The following QKI variants were observed in gnomAD, a reference collection of about 807,000 sequenced individuals.
QKI encodes QKI, KH domain containing RNA binding.
Under a neutral mutation model 39.0 loss-of-function variants are expected in QKI, and 10 were observed. That is an observed-to-expected ratio of 0.26 (90% confidence interval 0.16 to 0.43). The LOEUF (loss-of-function observed/expected upper bound fraction) is 0.43, where lower values mean the gene tolerates loss of function less well. QKI is among the 20% of genes least tolerant of loss of function. The probability of loss-of-function intolerance (pLI) is 1.00; values close to 1 mark genes in which losing one functional copy is unlikely to be tolerated. For missense variants in QKI, 218 were observed against 428.0 expected, an observed-to-expected ratio of 0.51 and a Z score of 4.33; for synonymous variants, 204 against 155.4, an observed-to-expected ratio of 1.31 and a Z score of -2.33.
At chr6:163,491,068 A>ATT (rs1266476541) in intron 3 of QKI, among the ~76,000 whole-genome samples, 1 of 152,122 alleles carries the variant, frequency 6.6e-6, no homozygotes, top group African/African-American at 2.4e-5. Flanking sequence ...ATGGTGTTGA[A>ATT]TTCAACTTCA....
At chr6:163,562,105 T>C (rs751414984) in intron 5 of QKI, 36 bp downstream of exon 5, 2 of 1,527,876 alleles carry the variant, frequency 1.3e-6, no homozygotes, top group Middle Eastern at 3.5e-4. Context: ...GTTACTGCTG[T>C]CTGCGTTGTT....
chr6:163,494,147 T>C (rs541548434), intron 3 of QKI, among the ~76,000 whole-genome samples: 1 of 152,134 alleles, frequency 6.6e-6, no homozygotes, highest in Non-Finnish European at 1.5e-5. Context: ...GGAAAAATAA[T>C]AAAAAATAAT....
intron 4 of QKI, among the ~76,000 whole-genome samples, chr6:163,537,676 T>C (rs541751387): frequency 3.9e-5 from 6 of 152,340 alleles, no homozygotes; most frequent in African/African-American, 1.2e-4. Context: ...GTTTAGACTT[T>C]TTAACTTGTT....
chr6:163,519,806 A>T (rs1289381942), intron 3 of QKI, among the ~76,000 whole-genome samples: 1 of 152,114 alleles, frequency 6.6e-6, no homozygotes, highest in African/African-American at 2.4e-5. Context: ...TAGTTATTTT[A>T]TATAGTTGTT....
chr6:163,541,916 G>A (rs985373489), intron 4 of QKI, among the ~76,000 whole-genome samples: 3 of 151,836 alleles, frequency 2.0e-5, no homozygotes, highest in Non-Finnish European at 4.4e-5. Flanking sequence ...GACATGAAAG[G>A]CGCATACATG....
intron 7 of QKI, chr6:163,568,700 G>A: frequency 1.0e-6 from 1 of 985,196 alleles, no homozygotes; most frequent in Non-Finnish European, 1.2e-6. Context: ...AAAAAACTCA[G>A]CCCTTGGACA....
intron 3 of QKI, among the ~76,000 whole-genome samples, chr6:163,482,735 C>T (rs959782220): frequency 3.9e-4 from 59 of 152,206 alleles, no homozygotes; most frequent in Non-Finnish European, 1.5e-4. Context: ...CCCATCCCTT[C>T]TCCAGTGTGC....
At chr6:163,479,927 G>A (rs1416083533) in intron 3 of QKI, among the ~76,000 whole-genome samples, 1 of 152,104 alleles carries the variant, frequency 6.6e-6, no homozygotes, top group Non-Finnish European at 1.5e-5. Context: ...TAGAAGGAAG[G>A]CTATCACTAG....
intron 2 of QKI, 40 bp from the exon 3 acceptor site, chr6:163,478,739 CA>C: frequency 7.6e-7 from 1 of 1,307,712 alleles, no homozygotes; most frequent in Non-Finnish European, 1.1e-6. Flanking sequence ...TAAGTTCCAG[CA>C]AGTGAATAAT....
In QKI at chr6:163,571,127, G is replaced by A. The variant is rs946322623; in HGVS notation, c.*417G>A. On this transcript the variant is annotated 3_prime_UTR_variant, in exon 8 of 8. Coordinates refer to ENST00000361752, the MANE Select transcript of QKI (RefSeq NM_006775.3). The stretch of plus-strand genomic sequence containing the variant: ...CTAGGAATCTTTTTCTTCTCATAGC[G>A]AAGTCAAAGCTCTCTCTGAATGTAC... 2.6e-5 allele frequency: 4 copies of A among 156,038 alleles called. No homozygotes were observed. Among genetic ancestry groups the A allele is most frequent in the Non-Finnish European group, 5.7e-5 (4 of 70,790 alleles). 9.7% of individuals were successfully genotyped at this position (156,038 alleles called of 1,614,324 possible). A position where few individuals can be genotyped will look rare whatever the true frequency, so the allele number is the denominator to read the frequency against.
In QKI at chr6:163,540,202, A is replaced by G. The variant is rs1781428987; in HGVS notation, c.546+5077A>G. Among the ~76,000 whole-genome samples, 6 of 152,164 alleles carry G rather than the reference A, an allele frequency of 3.9e-5. No homozygotes were observed. The South Asian group carries it at 1.0e-3, about 26-fold the overall frequency. Reference sequence around the variant, plus strand: ...TTGTGCCCATTTTGTTAGGTGTTGTATAGCAAAAAACATCTAGTCCAGGCT... The same window carrying G: ...TTGTGCCCATTTTGTTAGGTGTTGTGTAGCAAAAAACATCTAGTCCAGGCT... On this transcript the variant is annotated intron_variant, in intron 4 of 7. Transcript: ENST00000361752.
intron 3 of QKI, among the ~76,000 whole-genome samples, chr6:163,486,896 A>C (rs895356324): frequency 2.0e-5 from 3 of 152,234 alleles, no homozygotes; most frequent in Non-Finnish European, 4.4e-5. Flanking sequence ...GGTGATAGGA[A>C]AGTACACTTA....
chr6:163,415,938 C>A (rs1174329183), intron 1 of QKI: 3 of 511,202 alleles, frequency 5.9e-6, no homozygotes. Flanking sequence ...CCGTAGGAGA[C>A]CGAAATTATG....
At chr6:163,533,562 A>G (rs1336568449) in intron 3 of QKI, among the ~76,000 whole-genome samples, 1 of 152,046 alleles carries the variant, frequency 6.6e-6, no homozygotes, top group East Asian at 1.9e-4. Context: ...TGATTTTTGT[A>G]TGTTCTTGAT....
chr6:163,417,320 G>C (rs1328795862), intron 1 of QKI, among the ~76,000 whole-genome samples: 1 of 151,964 alleles, frequency 6.6e-6, no homozygotes, highest in Non-Finnish European at 1.5e-5. Context: ...AATAGGCCTT[G>C]GCAATATTTA....
At chr6:163,418,696 C>T (rs1016791083) in intron 1 of QKI, among the ~76,000 whole-genome samples, 1 of 152,008 alleles carries the variant, frequency 6.6e-6, no homozygotes, top group Non-Finnish European at 1.5e-5. Context: ...ACTGCTCTAC[C>T]TTTAGAGAGA....
chr6:163,577,899 A>G lies in QKI; in HGVS notation c.*7189A>G, dbSNP rs1777666412. 6.6e-6 allele frequency: 1 copy of G among 152,152 alleles called. No homozygotes were observed. Among genetic ancestry groups the G allele is most frequent in the Non-Finnish European group, 1.5e-5 (1 of 68,040 alleles). 9.4% of individuals were successfully genotyped at this position (152,152 alleles called of 1,614,324 possible). A position where few individuals can be genotyped will look rare whatever the true frequency, so the allele number is the denominator to read the frequency against. ...GATTTCCTTCCTAACGTAATTTTTA[A>G]TGATTACCCCTTTTATACAGTAATT... On this transcript the variant is annotated 3_prime_UTR_variant, in exon 8 of 8. Coordinates refer to ENST00000361752, the MANE Select transcript of QKI (RefSeq NM_006775.3).
At chr6:163,480,588 A>G (rs570866397) in intron 3 of QKI, among the ~76,000 whole-genome samples, 1 of 152,330 alleles carries the variant, frequency 6.6e-6, no homozygotes, top group South Asian at 2.1e-4. Flanking sequence ...ATTCCTTGTC[A>G]ACTGTGTTTA....
At chr6:163,435,573 T>TA (rs1345997902) in intron 1 of QKI, among the ~76,000 whole-genome samples, 1 of 152,178 alleles carries the variant, frequency 6.6e-6, no homozygotes, top group Non-Finnish European at 1.5e-5. Context: ...ATTTAAGTGT[T>TA]AGAGATGGTT....
Sources: gnomAD v4.1 joint callset for allele counts (sites outside exome capture counted in the v4.1 genomes callset) on GRCh38, gnomAD v4.1.1 for gene constraint, MANE v1.5 for transcripts, NCBI Gene and HGNC (gene_info 2026-07-23, HGNC 2026-07-21) for gene names.